COG5: variants seen among roughly 807,000 people sequenced by gnomAD.
COG5 encodes the protein conserved oligomeric Golgi complex subunit 5.
Under a neutral mutation model 110.4 loss-of-function variants are expected in COG5, and 86 were observed. The ratio of observed to expected loss-of-function variants is 0.78; its 90% CI spans 0.65 to 0.93. COG5 has a LOEUF of 0.93. Ranked by LOEUF, COG5 falls within the 40% of genes least tolerant of loss-of-function variation. COG5 has a pLI of 0.00. For synonymous variants in COG5, 360 were observed against 334.6 expected, an observed-to-expected ratio of 1.08 and a Z score of -0.83; for missense variants, 1,077 against 987.0, an observed-to-expected ratio of 1.09 and a Z score of -1.22.
At chr7:107,308,796 G>A (rs138238072) in intron 11 of COG5, among the ~76,000 whole-genome samples, 1 of 151,276 alleles carries the variant, frequency 6.6e-6, no homozygotes, top group African/African-American at 2.4e-5. Flanking sequence ...GGTGGATTTA[G>A]ACAATCCCTT....
At chr7:107,303,313 T>C (rs1034617623) in intron 11 of COG5, among the ~76,000 whole-genome samples, 3 of 152,186 alleles carry the variant, frequency 2.0e-5, no homozygotes, top group East Asian at 1.9e-4. Flanking sequence ...ACTTTGTCTA[T>C]ATTATCTCAG....
At chr7:107,465,810 T>C (rs1331682774) in intron 6 of COG5, among the ~76,000 whole-genome samples, 2 of 152,174 alleles carry the variant, frequency 1.3e-5, no homozygotes, top group African/African-American at 4.8e-5. Context: ...AGGCTCTTTA[T>C]ATAAAGAATG....
At chr7:107,544,120 G>A (rs1802247326) in intron 5 of COG5, among the ~76,000 whole-genome samples, 1 of 152,034 alleles carries the variant, frequency 6.6e-6, no homozygotes, top group Non-Finnish European at 1.5e-5. Flanking sequence ...GCTTATTTCA[G>A]CAGACCAAGG....
chr7:107,225,111 G>A (rs900785970), intron 19 of COG5, among the ~76,000 whole-genome samples: 2 of 152,180 alleles, frequency 1.3e-5, no homozygotes, highest in Non-Finnish European at 2.9e-5. Flanking sequence ...AGCTGGCACT[G>A]TCATCTTCCA....
At chr7:107,539,747 TGA>T (rs778073289) in intron 5 of COG5, among the ~76,000 whole-genome samples, 65 of 152,216 alleles carry the variant, frequency 4.3e-4, no homozygotes, top group Non-Finnish European at 7.5e-4. Context: ...TTTTTAATAA[TGA>T]GTGTGACTTC....
chr7:107,345,554 A>G (rs1247539121), intron 10 of COG5, among the ~76,000 whole-genome samples: 1 of 152,142 alleles, frequency 6.6e-6, no homozygotes, highest in African/African-American at 2.4e-5. Context: ...GCCAGGGGAA[A>G]GTAAGGGGTA....
At chr7:107,310,583 A>C (rs1808136427) in intron 11 of COG5, among the ~76,000 whole-genome samples, 1 of 152,266 alleles carries the variant, frequency 6.6e-6, no homozygotes, top group South Asian at 2.1e-4. Context: ...ACATGTGTGG[A>C]ATACAACCCA....
rs577030757 is a variant in COG5 at position 107,359,952 on chromosome 7, C to T, written c.1026+2081G>A. ...GACCTACCCACTCTGGGTCTCCTCT[C>T]CACTGAGGGCTGCACAGGTGGCAAG... is the stretch of plus-strand genomic sequence containing the variant. On this transcript the variant is annotated intron_variant, in intron 10 of 21. Transcript: ENST00000297135. Among the ~76,000 whole-genome samples the T allele has an allele frequency of 4.6e-5, 7 of 151,964 alleles. No individual in the cohort carries two copies. The East Asian group carries it at 1.4e-3, about 29-fold the overall frequency.
At chr7:107,295,911 C>T (rs1806698818) in intron 12 of COG5, among the ~76,000 whole-genome samples, 1 of 152,190 alleles carries the variant, frequency 6.6e-6, no homozygotes, top group East Asian at 1.9e-4. Flanking sequence ...CTTGCTCAGC[C>T]TCCCAAGTAG....
At chr7:107,449,358 A>G (rs1795196653) in intron 6 of COG5, among the ~76,000 whole-genome samples, 1 of 152,218 alleles carries the variant, frequency 6.6e-6, no homozygotes, top group African/African-American at 2.4e-5. Flanking sequence ...AAGTAAAAGA[A>G]AAAAGAAAAA....
intron 14 of COG5, among the ~76,000 whole-genome samples, chr7:107,267,750 T>C (rs1803915294): frequency 6.6e-6 from 1 of 151,918 alleles, no homozygotes; most frequent in East Asian, 1.9e-4. Context: ...ATCAATACAA[T>C]TTAAAAAAAA....
At position 107,370,802 on chromosome 7, in the gene COG5, T is replaced by A. The variant is rs1054655857; in HGVS notation, c.835+1793A>T. On this transcript the variant is annotated intron_variant, in intron 8 of 21. Coordinates refer to ENST00000297135, the MANE Select transcript of COG5 (RefSeq NM_006348.5). ...CAGCTAAAAAAAAAAAAAAAAAAAT[T>A]TATATATATATATATACACACACAA... 9.8e-5 allele frequency among the ~76,000 whole-genome samples: 14 copies of A among 143,404 alleles called. No homozygotes were observed. The Middle Eastern group carries it at 0.011, about 112-fold the overall frequency. 94.1% of individuals were successfully genotyped at this position (143,404 alleles called of 152,430 possible).
chr7:107,243,910 T>C lies in COG5; in HGVS notation c.1853+4486A>G, dbSNP rs546357059. ...ACATGGAAATTAAACAACTTGCTCC[T>C]GAATGACTTTTGGGTAAATACATGA... On this transcript the variant is annotated intron_variant, in intron 17 of 21. Coordinates refer to ENST00000297135, the MANE Select transcript of COG5 (RefSeq NM_006348.5). 5.3e-5 allele frequency among the ~76,000 whole-genome samples: 8 copies of C among 152,282 alleles called. No individual in the cohort carries two copies. In the East Asian group the frequency reaches 9.7e-4, roughly 18 times the overall value.
At chr7:107,490,334 TC>T (rs1181088509) in intron 6 of COG5, among the ~76,000 whole-genome samples, 1 of 152,160 alleles carries the variant, frequency 6.6e-6, no homozygotes, top group East Asian at 1.9e-4. Context: ...CTTGCCAGTG[TC>T]CATCTTTAAT....
chr7:107,489,620 G>A (rs1797864687), intron 6 of COG5, among the ~76,000 whole-genome samples: 1 of 152,128 alleles, frequency 6.6e-6, no homozygotes, highest in South Asian at 2.1e-4. Context: ...GTTTAGTGAG[G>A]AAGAAAACTC....
intron 6 of COG5, among the ~76,000 whole-genome samples, chr7:107,456,726 G>C (rs1475709905): frequency 6.6e-6 from 1 of 152,096 alleles, no homozygotes; most frequent in South Asian, 2.1e-4. Flanking sequence ...ACTCAAAAAG[G>C]CCAGGCAAAG....
intron 11 of COG5, among the ~76,000 whole-genome samples, chr7:107,315,466 T>G (rs1214001746): frequency 6.6e-6 from 1 of 152,132 alleles, no homozygotes; most frequent in Non-Finnish European, 1.5e-5. Flanking sequence ...ACAAGGGGTT[T>G]TAGACATGTA....
intron 6 of COG5, among the ~76,000 whole-genome samples, chr7:107,456,534 A>G (rs1563045740): frequency 6.6e-6 from 1 of 152,210 alleles, no homozygotes; most frequent in East Asian, 1.9e-4. Flanking sequence ...ACCTCAGTAA[A>G]CACAACGAAC....
In COG5 at chr7:107,473,338, T is replaced by C. The variant is rs1397177427; in HGVS notation, c.538+53899A>G. On this transcript the variant is annotated intron_variant, in intron 6 of 21. Coordinates refer to ENST00000297135, the MANE Select transcript of COG5 (RefSeq NM_006348.5). The stretch of plus-strand genomic sequence containing the variant: ...GCTCTTTTACCAAGCTTTGTAGCTT[T>C]TTATTTTAGCATAATGTCCCACTTC... Among the ~76,000 whole-genome samples the C allele has an allele frequency of 2.6e-5, 4 of 151,960 alleles. No homozygotes were observed. The East Asian group carries it at 7.7e-4, about 29-fold the overall frequency.
Sources: gnomAD v4.1 joint callset for allele counts (sites outside exome capture counted in the v4.1 genomes callset) on GRCh38, gnomAD v4.1.1 for gene constraint, MANE v1.5 for transcripts, NCBI Gene and HGNC (gene_info 2026-07-23, HGNC 2026-07-21) for gene names.